The following JMY variants were observed in gnomAD, a reference collection of about 807,000 sequenced individuals.
JMY encodes the protein junction-mediating and -regulatory protein.
Under a neutral mutation model 103.3 loss-of-function variants are expected in JMY, and 46 were observed. The ratio of observed to expected loss-of-function variants is 0.45; its 90% CI spans 0.35 to 0.57. The LOEUF (loss-of-function observed/expected upper bound fraction) is 0.57, where lower values mean the gene tolerates loss of function less well. JMY is among the 20% of genes least tolerant of loss of function. JMY has a pLI of 0.00. For synonymous variants in JMY, 526 were observed against 489.3 expected, an observed-to-expected ratio of 1.07 and a Z score of -0.99; for missense variants, 1,238 against 1,255.2, an observed-to-expected ratio of 0.99 and a Z score of 0.21.
intron 2 of JMY, among the ~76,000 whole-genome samples, chr5:79,279,711 T>C (rs11948941): frequency 0.017 from 2,587 of 152,276 alleles, 79 homozygotes; most frequent in African/African-American, 0.059. Context: ...TTTTGGAAAA[T>C]AGCTGTGCTG....
rs766983260 is a variant in JMY at position 79,291,142 on chromosome 5, G to T, written c.1370G>T (p.Arg457Leu). Residue 457 changes from arginine (R) to leucine (L), a missense_variant, in exon 4 of 11, where the codon CGA becomes CTA. By Grantham distance (102) the Arg-to-Leu change is moderately radical. Transcript: ENST00000396137. ...AAATTATTAATAGCTGTGTATGATC[G>T]AATGCGAGCTGATCAGAAGAAATTT... ...TAKAQKAVYD[R>L]MRADQKKFGK... The T allele has an allele frequency of 1.3e-6, 2 of 1,595,810 alleles. No homozygotes were observed. Among genetic ancestry groups the T allele is most frequent in the African/African-American group, 1.4e-5 (1 of 73,794 alleles).
intron 2 of JMY, among the ~76,000 whole-genome samples, chr5:79,281,023 T>A (rs1580351998): frequency 6.6e-6 from 1 of 151,292 alleles, no homozygotes. Context: ...AAAAAGAAAA[T>A]AATTTATTTT....
At position 79,314,296 on chromosome 5, in the gene JMY, C is replaced by T. The variant is rs1349756551; in HGVS notation, c.2104C>T (p.Arg702Ter). The part of the protein sequence containing the change: ...GQVILKSTRL[R>*]LAHARRKGAA... ...AGTCATACTTAAATCAACCAGATTACGACTAGCTCATGCAAGAAGAAAAGG... is the reference window on the plus strand; with the variant it reads ...AGTCATACTTAAATCAACCAGATTATGACTAGCTCATGCAAGAAGAAAAGG... Residue 702 changes from arginine (R) to a stop codon, truncating the protein, a stop_gained, in exon 9 of 11, where the codon CGA becomes TGA. Transcript: ENST00000396137. LOFTEE classifies it high-confidence loss of function. 2.5e-6 allele frequency: 4 copies of T among 1,613,796 alleles called. No individual in the cohort carries two copies. Among genetic ancestry groups the T allele is most frequent in the Admixed American group, 1.7e-5 (1 of 59,998 alleles).
intron 1 of JMY, among the ~76,000 whole-genome samples, chr5:79,266,855 A>G (rs533314231): frequency 1.3e-5 from 2 of 152,346 alleles, no homozygotes; most frequent in South Asian, 4.1e-4. Context: ...TCAGCTTACA[A>G]AAAATAGGTG....
intron 10 of JMY, among the ~76,000 whole-genome samples, chr5:79,319,881 G>A (rs1747393101): frequency 6.6e-6 from 1 of 151,848 alleles, no homozygotes; most frequent in African/African-American, 2.4e-5. Context: ...TGCCTGGCCA[G>A]ATTTCTTGAT....
At chr5:79,266,367 A>G (rs1745587825) in intron 1 of JMY, among the ~76,000 whole-genome samples, 1 of 152,264 alleles carries the variant, frequency 6.6e-6, no homozygotes, top group African/African-American at 2.4e-5. Context: ...CAGAGTGAGC[A>G]GTCCACAAAT....
intron 1 of JMY, among the ~76,000 whole-genome samples, chr5:79,264,094 T>G (rs1321904311): frequency 6.6e-6 from 1 of 151,686 alleles, no homozygotes; most frequent in African/African-American, 2.4e-5. Context: ...GCCTTTTTGT[T>G]TTTTTTTAAA....
intron 4 of JMY, among the ~76,000 whole-genome samples, chr5:79,293,458 G>A (rs1215589334): frequency 2.7e-5 from 4 of 149,416 alleles, no homozygotes; most frequent in African/African-American, 7.4e-5. Flanking sequence ...GAGTCTTGCT[G>A]TGTTGCCTAG....
Position 79,314,487 on chromosome 5 carries a change from A to G in JMY, c.2295A>G (p.Gln765=). 3 of 1,614,112 alleles carry G rather than the reference A, an allele frequency of 1.9e-6. No individual in the cohort carries two copies. The highest frequency in any genetic ancestry group is 2.7e-5 in the African/African-American group (2 of 75,034). Residue 765 remains glutamine, a synonymous_variant, in exon 9 of 11, where the codon CAA becomes CAG. Coordinates refer to ENST00000396137, the MANE Select transcript of JMY (RefSeq NM_152405.5). ...AACTTGAAGATACTTCATTAACACA[A>G]CTTGAAGCCACCTCATTACCTCTCA... is the stretch of plus-strand genomic sequence containing the variant. ...LVQLEDTSLT[Q]LEATSLPLSG... is the part of the protein sequence containing the mutation.
Position 79,236,561 on chromosome 5 carries a change from G to C in JMY, c.-90G>C. On this transcript the variant is annotated 5_prime_UTR_variant, in exon 1 of 11. Transcript: ENST00000396137. ...TAAGATGGCTGAAGGCGCCCGGCGA[G>C]GGTGAGCGGGGGGCGCGGCGCAGCC... The C allele has an allele frequency of 1.8e-6, 2 of 1,090,556 alleles. No homozygotes were observed. The highest frequency in any genetic ancestry group is 2.4e-6 in the Non-Finnish European group (2 of 837,444). The allele number at this position is 1,090,556 out of a possible 1,614,324, so 67.6% of individuals were successfully genotyped here.
chr5:79,308,957 G>T (rs570700422), intron 7 of JMY, among the ~76,000 whole-genome samples: 36 of 152,006 alleles, frequency 2.4e-4, no homozygotes, highest in Non-Finnish European at 4.3e-4. Flanking sequence ...CAGGGAGGTG[G>T]TAATATAAAT....
At chr5:79,312,033 T>C (rs1035508365) in intron 7 of JMY, among the ~76,000 whole-genome samples, 4 of 152,104 alleles carry the variant, frequency 2.6e-5, no homozygotes, top group Admixed American at 2.6e-4. Flanking sequence ...GCCTGGCTGG[T>C]CTCGAACCCC....
chr5:79,294,817 C>T (rs954599330), intron 4 of JMY, among the ~76,000 whole-genome samples: 1 of 150,630 alleles, frequency 6.6e-6, no homozygotes, highest in African/African-American at 2.4e-5. Flanking sequence ...GAGATGATGC[C>T]ACTGCACTCA....
intron 2 of JMY, among the ~76,000 whole-genome samples, chr5:79,279,683 A>G (rs1341721741): frequency 6.6e-6 from 1 of 151,976 alleles, no homozygotes; most frequent in Non-Finnish European, 1.5e-5. Context: ...CGACTTAGAC[A>G]TACTCCTTTA....
chr5:79,285,371 G>A (rs1333015922), intron 2 of JMY, among the ~76,000 whole-genome samples: 1 of 150,702 alleles, frequency 6.6e-6, no homozygotes, highest in East Asian at 2.0e-4. Flanking sequence ...GCCTGGCAAA[G>A]CATGGGCTGC....
Position 79,236,499 on chromosome 5 carries a change from G to A in JMY, c.-152G>A, listed in dbSNP as rs1580318553. ...GGAGCTCGGCGGTCGGGGCGCGGAG[G>A]GACAGGCGAACGAGCCGGGAGAGCC... On this transcript the variant is annotated 5_prime_UTR_variant, in exon 1 of 11. Transcript: ENST00000396137. 2.0e-6 allele frequency: 1 copy of A among 505,046 alleles called. No individual in the cohort carries two copies. Among genetic ancestry groups the A allele is most frequent in the East Asian group, 3.6e-5 (1 of 27,614 alleles). 31.3% of individuals were successfully genotyped at this position (505,046 alleles called of 1,614,324 possible).
At chr5:79,305,178 A>T (rs1746842623) in intron 6 of JMY, among the ~76,000 whole-genome samples, 1 of 152,166 alleles carries the variant, frequency 6.6e-6, no homozygotes, top group Non-Finnish European at 1.5e-5. Flanking sequence ...TAGGCTGGGC[A>T]TGGTGGCTCA....
At chr5:79,284,866 T>C (rs2112092490) in intron 2 of JMY, 8 of 1,569,650 alleles carry the variant, frequency 5.1e-6, no homozygotes, top group South Asian at 1.1e-5. Flanking sequence ...CACTTTCTTC[T>C]TGGCCCCCTT....
chr5:79,256,422 A>C (rs574735958), intron 1 of JMY, among the ~76,000 whole-genome samples: 2 of 151,852 alleles, frequency 1.3e-5, no homozygotes, highest in Non-Finnish European at 2.9e-5. Context: ...TTGGTGTTCT[A>C]CCCCACCGTG....
Sources: allele counts gnomAD v4.1 joint callset (sites outside exome capture counted in the v4.1 genomes callset), GRCh38; gene constraint gnomAD v4.1.1; transcripts MANE v1.5; gene names NCBI Gene and HGNC (gene_info 2026-07-23, HGNC 2026-07-21).